RAI14: variants seen among roughly 807,000 people sequenced by gnomAD.
RAI14 encodes the protein retinoic acid induced 14, also known as ankycorbin.
In RAI14, 45 loss-of-function variants were observed where a neutral mutation model predicts 115.4. The observed-to-expected ratio is 0.39, with a 90% CI of 0.31 to 0.50. The LOEUF (loss-of-function observed/expected upper bound fraction) is 0.50, where lower values mean the gene tolerates loss of function less well. Ranked by LOEUF, RAI14 falls within the 20% of genes least tolerant of loss-of-function variation. The pLI, the probability that RAI14 is intolerant of heterozygous loss-of-function variation, is 0.85. For synonymous variants in RAI14, 371 were observed against 415.4 expected (o/e 0.89, Z 1.30); for missense variants, 939 against 1,131.2 (o/e 0.83, Z 2.44).
chr5:34,725,220 G>T (rs11957530), intron 2 of RAI14, among the ~76,000 whole-genome samples: 1,872 of 152,188 alleles, frequency 0.012, 35 homozygotes, highest in African/African-American at 0.043. Flanking sequence ...TGGGTAGTCT[G>T]CAAAAGGATT....
intron 1 of RAI14, among the ~76,000 whole-genome samples, chr5:34,671,536 C>T (rs1284134548): frequency 1.3e-5 from 2 of 151,858 alleles, no homozygotes; most frequent in East Asian, 1.9e-4. Context: ...ATGCTATGTG[C>T]TTGAAGGGAA....
At chr5:34,799,960 T>C (rs894733303) in intron 4 of RAI14, among the ~76,000 whole-genome samples, 6 of 152,212 alleles carry the variant, frequency 3.9e-5, no homozygotes, top group Admixed American at 3.9e-4. Flanking sequence ...GAGCTGGGAT[T>C]ACAGGCGTGA....
intron 5 of RAI14, among the ~76,000 whole-genome samples, chr5:34,805,814 C>T (rs1476029851): frequency 6.6e-6 from 1 of 152,260 alleles, no homozygotes; most frequent in South Asian, 2.1e-4. Context: ...ACACTTCAGC[C>T]TGGGTGACAG....
chr5:34,680,508 C>T (rs867325370), intron 1 of RAI14, among the ~76,000 whole-genome samples: 2 of 152,212 alleles, frequency 1.3e-5, no homozygotes, highest in Admixed American at 6.5e-5. Context: ...TTCTTAAAGT[C>T]TTCATCCCTT....
intron 1 of RAI14, among the ~76,000 whole-genome samples, chr5:34,665,145 A>G (rs1352106843): frequency 4.9e-5 from 2 of 41,178 alleles, no homozygotes; most frequent in Non-Finnish European, 6.2e-5. Context: ...ATATATACAC[A>G]TATATATGTG....
chr5:34,726,241 G>T (rs995636941), intron 2 of RAI14, among the ~76,000 whole-genome samples: 10 of 152,042 alleles, frequency 6.6e-5, no homozygotes, highest in African/African-American at 2.4e-4. Flanking sequence ...CTGCTATAAA[G>T]AACTATTGGA....
chr5:34,806,564 A>G (rs1754918912), intron 5 of RAI14, among the ~76,000 whole-genome samples: 1 of 151,932 alleles, frequency 6.6e-6, no homozygotes, highest in Admixed American at 6.6e-5. Flanking sequence ...TGGAGAAAAA[A>G]GTTGACAGGG....
chr5:34,785,296 T>C (rs1357889524), intron 3 of RAI14, among the ~76,000 whole-genome samples: 1 of 152,090 alleles, frequency 6.6e-6, no homozygotes, highest in Non-Finnish European at 1.5e-5. Context: ...TCTTTCTGCT[T>C]GAAGTGGTTC....
Position 34,811,075 on chromosome 5 carries a change from C to T in RAI14, c.514C>T (p.Leu172=). ...TCACAGTGAGATCTGTCACTTTCTC[C>T]TGGATCATGGAGCAGATGTCAATTC... ...NGHSEICHFL[L]DHGADVNSRN... is the part of the protein sequence containing the mutation. The change falls in exon 8 of 18, where the codon CTG becomes TTG. Residue 172 remains leucine, a synonymous_variant. Coordinates refer to ENST00000265109, the MANE Select transcript of RAI14 (RefSeq NM_015577.3). 1.2e-6 allele frequency: 2 copies of T among 1,614,104 alleles called. No homozygotes were observed. Among genetic ancestry groups the T allele is most frequent in the Non-Finnish European group, 1.7e-6 (2 of 1,180,018 alleles).
intron 2 of RAI14, among the ~76,000 whole-genome samples, chr5:34,722,707 G>A (rs1049796522): frequency 1.3e-5 from 2 of 151,084 alleles, no homozygotes; most frequent in Admixed American, 6.6e-5. Context: ...TTAGCTGGGT[G>A]TGGTGTTGTG....
intron 1 of RAI14, among the ~76,000 whole-genome samples, chr5:34,665,581 A>G (rs1243519773): frequency 6.6e-6 from 1 of 151,364 alleles, no homozygotes; most frequent in Non-Finnish European, 1.5e-5. Context: ...TGAGGCATAG[A>G]TGGACACTTG....
intron 2 of RAI14, among the ~76,000 whole-genome samples, chr5:34,687,384 C>T (rs1457395580): frequency 1.3e-5 from 2 of 152,120 alleles, no homozygotes; most frequent in African/African-American, 4.8e-5. Flanking sequence ...ACGTGTTCAA[C>T]TCTCTGTTAA....
chr5:34,806,621 G>C (rs540889236), intron 5 of RAI14, among the ~76,000 whole-genome samples: 3 of 152,102 alleles, frequency 2.0e-5, no homozygotes, highest in Admixed American at 6.6e-5. Flanking sequence ...GTCGGGGAAG[G>C]GGGTGGAGGA....
chr5:34,717,135 A>G (rs1051501354), intron 2 of RAI14, among the ~76,000 whole-genome samples: 1 of 152,198 alleles, frequency 6.6e-6, no homozygotes, highest in African/African-American at 2.4e-5. Flanking sequence ...TTAGTAGGAT[A>G]AAACACATGC....
At chr5:34,700,599 A>G (rs11740818) in intron 2 of RAI14, among the ~76,000 whole-genome samples, 89,548 of 152,102 alleles carry the variant, frequency 0.59, 27,361 homozygotes, top group African/African-American at 0.76. Context: ...CTCTCTGTTC[A>G]GCATTTACCA....
chr5:34,799,539 C>CACACACA (rs1554007142), intron 4 of RAI14, among the ~76,000 whole-genome samples: 15 of 57,216 alleles, frequency 2.6e-4, no homozygotes, highest in South Asian at 6.6e-4. Context: ...CACACACACA[C>CACACACA]AAAACCACCT....
At chr5:34,749,257 A>G (rs189936439) in intron 2 of RAI14, among the ~76,000 whole-genome samples, 28 of 152,250 alleles carry the variant, frequency 1.8e-4, no homozygotes, top group Admixed American at 5.2e-4. Flanking sequence ...GAGCAGAGGC[A>G]CAGAACAAGA....
chr5:34,720,612 G>A (rs866595565), intron 2 of RAI14, among the ~76,000 whole-genome samples: 8 of 151,734 alleles, frequency 5.3e-5, no homozygotes, highest in Non-Finnish European at 1.0e-4. Context: ...GGGTTTCACC[G>A]TGTTAGCCAG....
At chr5:34,675,281 T>G (rs1417402026) in intron 1 of RAI14, among the ~76,000 whole-genome samples, 1 of 152,224 alleles carries the variant, frequency 6.6e-6, no homozygotes, top group Admixed American at 6.5e-5. Context: ...TTCAACAACT[T>G]TTAGTAAATT....
Sources: allele counts gnomAD v4.1 joint callset (sites outside exome capture counted in the v4.1 genomes callset), GRCh38; gene constraint gnomAD v4.1.1; transcripts MANE v1.5; gene names NCBI Gene and HGNC (gene_info 2026-07-23, HGNC 2026-07-21).